USP33: variants seen among roughly 807,000 people sequenced by gnomAD.
USP33 encodes ubiquitin specific peptidase 33, also known as ubiquitin carboxyl-terminal hydrolase 33.
In USP33, 46 loss-of-function variants were observed where a neutral mutation model predicts 124.2. The ratio of observed to expected loss-of-function variants is 0.37; its 90% CI spans 0.29 to 0.47. The LOEUF is 0.47. USP33 is among the 20% of genes least tolerant of loss of function. The probability of loss-of-function intolerance (pLI) is 0.99; values close to 1 mark genes in which losing one functional copy is unlikely to be tolerated. For missense variants in USP33, 851 were observed against 1,070.6 expected, an observed-to-expected ratio of 0.79 and a Z score of 2.86; for synonymous variants, 350 against 352.3, an observed-to-expected ratio of 0.99 and a Z score of 0.07.
chr1:77,746,747 T>C (rs1484700243), intron 1 of USP33, among the ~76,000 whole-genome samples: 1 of 152,172 alleles, frequency 6.6e-6, no homozygotes, highest in Non-Finnish European at 1.5e-5. Context: ...ATAAACATAA[T>C]CCATCATATA....
chr1:77,727,254 C>G (rs867755001), intron 10 of USP33, among the ~76,000 whole-genome samples: 1 of 152,132 alleles, frequency 6.6e-6, no homozygotes, highest in South Asian at 2.1e-4. Flanking sequence ...CCTTAAAACA[C>G]CTAAAAGCTC....
chr1:77,706,405 G>GT (rs754995298), intron 21 of USP33, among the ~76,000 whole-genome samples: 30 of 152,092 alleles, frequency 2.0e-4, no homozygotes, highest in Non-Finnish European at 1.6e-4. Context: ...TTACTGAGTT[G>GT]TATGTTCTTT....
chr1:77,713,880 A>G (rs2101291532), intron 19 of USP33, among the ~76,000 whole-genome samples: 1 of 152,246 alleles, frequency 6.6e-6, no homozygotes, highest in African/African-American at 2.4e-5. Flanking sequence ...TCTCTCTCCC[A>G]AGAACGGTAA....
At position 77,730,809 on chromosome 1, in the gene USP33, A is replaced by G. The variant is rs1433869635; in HGVS notation, c.525-78T>C. 5.5e-6 allele frequency: 5 copies of G among 901,162 alleles called. No homozygotes were observed. The East Asian group carries it at 1.1e-4, about 20-fold the overall frequency. 55.8% of individuals were successfully genotyped at this position (901,162 alleles called of 1,614,324 possible). ...ATTTCTAGTCATTCAATTAACTGAC[A>G]ACACATACATTCCTTTAGCCGTTAT... On this transcript the variant is annotated intron_variant, in intron 7 of 23. Coordinates refer to ENST00000370794, the MANE Select transcript of USP33 (RefSeq NM_201624.3).
chr1:77,717,968 A>G lies in USP33; in HGVS notation c.1817T>C (p.Leu606Pro), dbSNP rs745476174. Residue 606 changes from leucine (L) to proline (P), a missense_variant, in exon 17 of 24, where the codon CTA becomes CCA. Leu to Pro is a moderately conservative substitution (Grantham distance 98). Around this residue, in one of 4 missense-constraint regions of USP33, gnomAD observed 281 missense variants for 425.0 expected, o/e 0.66. Coordinates refer to ENST00000370794, the MANE Select transcript of USP33 (RefSeq NM_201624.3). ...AAATGGCTGAAGATCCAAGCCTTCTAGCGGAAATGAAACATGGGTACTGAT... is the reference window on the plus strand; with the variant it reads ...AAATGGCTGAAGATCCAAGCCTTCTGGCGGAAATGAAACATGGGTACTGAT... Reference protein sequence around the residue: ...TKISTHVSFPLEGLDLQPFLA... With the variant: ...TKISTHVSFPPEGLDLQPFLA... 1.2e-6 allele frequency: 2 copies of G among 1,614,104 alleles called. No homozygotes were observed. The highest frequency in any genetic ancestry group is 3.3e-5 in the Admixed American group (2 of 60,024).
chr1:77,755,840 T>C (rs1011975033), intron 1 of USP33, among the ~76,000 whole-genome samples: 3 of 152,204 alleles, frequency 2.0e-5, no homozygotes, highest in Admixed American at 6.5e-5. Context: ...CCCTGGGGGA[T>C]AGAAATTAAT....
intron 21 of USP33, among the ~76,000 whole-genome samples, chr1:77,708,558 C>A (rs934421159): frequency 6.6e-6 from 1 of 152,190 alleles, no homozygotes. Flanking sequence ...CAGCTGAAAT[C>A]GTTTCCAAGG....
chr1:77,708,859 C>CT (rs964975561), intron 21 of USP33, among the ~76,000 whole-genome samples: 3 of 151,738 alleles, frequency 2.0e-5, no homozygotes, highest in Non-Finnish European at 4.4e-5. Flanking sequence ...TCATTTCTTT[C>CT]TTTTTTTTAA....
chr1:77,710,489 T>A (rs1435657004), intron 21 of USP33, among the ~76,000 whole-genome samples: 1 of 152,236 alleles, frequency 6.6e-6, no homozygotes, highest in African/African-American at 2.4e-5. Flanking sequence ...GAAAAAACTA[T>A]TTTTAATATT....
chr1:77,697,471 G>T lies in USP33; in HGVS notation c.2582C>A (p.Ala861Glu). 2 of 1,593,142 alleles carry T rather than the reference G, an allele frequency of 1.3e-6. No individual in the cohort carries two copies. Among genetic ancestry groups the T allele is most frequent in the African/African-American group, 1.4e-5 (1 of 73,390 alleles). Residue 861 changes from alanine to glutamate, a missense_variant, in exon 24 of 24, where the codon GCA (alanine) becomes GAA (glutamate). Ala to Glu is a moderately radical substitution (Grantham distance 107). Around this residue, in one of 4 missense-constraint regions of USP33, gnomAD observed 142 missense variants for 141.8 expected, o/e 1.00. Coordinates refer to ENST00000370794, the MANE Select transcript of USP33 (RefSeq NM_201624.3). ...TTCTTCAGAAATCTGGCCAGAATCT[G>T]CTCCTTAAAATTACGTAGAAGAAAT... ...KCGNVMLRQG[A>E]DSGQISEETW... is the part of the protein sequence containing the mutation.
At chr1:77,706,820 A>G (rs1674685835) in intron 21 of USP33, among the ~76,000 whole-genome samples, 1 of 152,212 alleles carries the variant, frequency 6.6e-6, no homozygotes, top group Non-Finnish European at 1.5e-5. Context: ...CCTAGGAGTC[A>G]GGTAAAGGAA....
At chr1:77,709,573 T>TA (rs1381271073) in intron 21 of USP33, among the ~76,000 whole-genome samples, 2 of 150,980 alleles carry the variant, frequency 1.3e-5, no homozygotes, top group African/African-American at 4.9e-5. Flanking sequence ...ATCTATATTT[T>TA]ATATACATGT....
rs552722421 is a variant in USP33 at position 77,735,015 on chromosome 1, C to T, written c.455-599G>A. ...GCGGGTGCCTGTAGTCCCAGCTACT[C>T]GGGAGGCTGAAGCAGGAGAATGGTG... On this transcript the variant is annotated intron_variant, in intron 6 of 23. Transcript: ENST00000370794. Among the ~76,000 whole-genome samples, 7 of 151,586 alleles carry T rather than the reference C, an allele frequency of 4.6e-5. No homozygotes were observed. In the East Asian group the frequency reaches 5.8e-4, roughly 13 times the overall value.
At chr1:77,705,437 C>T (rs569107894) in intron 21 of USP33, among the ~76,000 whole-genome samples, 5 of 151,982 alleles carry the variant, frequency 3.3e-5, no homozygotes, top group Admixed American at 1.3e-4. Flanking sequence ...TCAAGTGATC[C>T]GCCTGCCTCA....
chr1:77,755,060 CAG>C (rs1004884334), intron 1 of USP33, among the ~76,000 whole-genome samples: 1 of 152,090 alleles, frequency 6.6e-6, no homozygotes, highest in African/African-American at 2.4e-5. Flanking sequence ...ATGAATATGA[CAG>C]AGTTCTAACA....
intron 7 of USP33, 116 bp downstream of exon 7, chr1:77,734,231 C>A: frequency 2.6e-6 from 2 of 783,286 alleles, no homozygotes; most frequent in Non-Finnish European, 4.1e-6. Flanking sequence ...ATGTCCCAAA[C>A]CAGATTCTTG....
At chr1:77,712,497 TG>T (rs1675372548) in intron 20 of USP33, among the ~76,000 whole-genome samples, 1 of 152,202 alleles carries the variant, frequency 6.6e-6, no homozygotes, top group South Asian at 2.1e-4. Flanking sequence ...CACTCCCGAC[TG>T]GGCGACAGAG....
chr1:77,733,704 C>A (rs1337005521), intron 7 of USP33, among the ~76,000 whole-genome samples: 2 of 152,108 alleles, frequency 1.3e-5, no homozygotes, highest in Non-Finnish European at 2.9e-5. Context: ...AAAGCTCAAC[C>A]AGTAAGCATA....
rs561837977 is a variant in USP33, at chr1:77,719,698, C to G, written c.1692-1057G>C. Among the ~76,000 whole-genome samples the G allele has an allele frequency of 7.3e-5, 11 of 151,680 alleles. No homozygotes were observed. The South Asian group carries it at 2.3e-3, about 32-fold the overall frequency. ...CAAAACCCCATCTCAACTAAAAATA[C>G]AAAAATTAGCTGGGTGTGGTGGCGG... On this transcript the variant is annotated intron_variant, in intron 15 of 23. Transcript: ENST00000370794.
Sources: gnomAD v4.1 joint callset for allele counts (sites outside exome capture counted in the v4.1 genomes callset) on GRCh38, gnomAD v4.1.1 for gene constraint, gnomAD v4.1.1 regional missense constraint, MANE v1.5 for transcripts, NCBI Gene and HGNC (gene_info 2026-07-23, HGNC 2026-07-21) for gene names.